The following TTC28 variants were observed in gnomAD, a reference collection of about 807,000 sequenced individuals.
The protein encoded by TTC28 is tetratricopeptide repeat protein 28.
In TTC28, 61 loss-of-function variants were observed where a neutral mutation model predicts 198.0. The observed-to-expected ratio is 0.31, with a 90% confidence interval of 0.25 to 0.38. The LOEUF is 0.38. Among genes scored for constraint, TTC28 ranks in the 10% least tolerant of loss-of-function variants. The probability of loss-of-function intolerance (pLI) is 1.00; values close to 1 mark genes in which losing one functional copy is unlikely to be tolerated. For missense variants in TTC28, 2,678 were observed against 3,164.0 expected, an observed-to-expected ratio of 0.85 and a Z score of 3.69; for synonymous variants, 1,171 against 1,297.8, an observed-to-expected ratio of 0.90 and a Z score of 2.10.
rs989409686 is a variant in TTC28, at chr22:28,296,390, C to A, written c.803-62G>T. Reference sequence around the variant, plus strand: ...CTCTAAGTTATAATGTTATTTATAACATATAATGGTCATCTTAATTTAAGA... The same window carrying A: ...CTCTAAGTTATAATGTTATTTATAAAATATAATGGTCATCTTAATTTAAGA... On this transcript the variant is annotated intron_variant, in intron 4 of 22. Transcript: ENST00000397906. 3.9e-6 allele frequency: 5 copies of A among 1,290,088 alleles called. No individual in the cohort carries two copies. The East Asian group carries it at 1.3e-4, about 34-fold the overall frequency. 79.9% of individuals were successfully genotyped at this position (1,290,088 alleles called of 1,614,324 possible). A position where few individuals can be genotyped will look rare whatever the true frequency, so the allele number is the denominator to read the frequency against.
chr22:28,609,038 C>T (rs111574957), intron 2 of TTC28, among the ~76,000 whole-genome samples: 1,528 of 151,992 alleles, frequency 0.01, 33 homozygotes, highest in East Asian at 0.081. Context: ...ACTGCCCATA[C>T]ACTGGGGGAA....
intron 1 of TTC28, among the ~76,000 whole-genome samples, chr22:28,657,793 C>A (rs1210225239): frequency 6.6e-6 from 1 of 151,998 alleles, no homozygotes; most frequent in Non-Finnish European, 1.5e-5. Flanking sequence ...ACGTGAGAAT[C>A]GCTTGAACCT....
intron 2 of TTC28, among the ~76,000 whole-genome samples, chr22:28,417,844 C>T (rs961277113): frequency 1.3e-5 from 2 of 152,168 alleles, no homozygotes; most frequent in African/African-American, 4.8e-5. Context: ...TGAGTCTAAA[C>T]CCAGAAATCA....
intron 1 of TTC28, chr22:28,643,318 G>C (rs1390152933): frequency 6.6e-6 from 1 of 152,200 alleles, no homozygotes; most frequent in Non-Finnish European, 1.5e-5. Flanking sequence ...ATTGGACAGA[G>C]CTGGTTTAGA....
At chr22:28,078,129 G>A (rs533160914) in intron 12 of TTC28, among the ~76,000 whole-genome samples, 1 of 152,296 alleles carries the variant, frequency 6.6e-6, no homozygotes, top group South Asian at 2.1e-4. Context: ...CTTAATAAAA[G>A]CACTTCTTTT....
chr22:28,205,347 C>A (rs543609891), intron 5 of TTC28, among the ~76,000 whole-genome samples: 8 of 152,108 alleles, frequency 5.3e-5, no homozygotes, highest in Admixed American at 3.9e-4. Context: ...TTTCCCAGAG[C>A]CTCTGTTAAA....
chr22:28,438,775 C>T (rs1443993241), intron 2 of TTC28, among the ~76,000 whole-genome samples: 1 of 152,178 alleles, frequency 6.6e-6, no homozygotes, highest in African/African-American at 2.4e-5. Flanking sequence ...AGATGTGATG[C>T]ATGATGTAGT....
intron 2 of TTC28, among the ~76,000 whole-genome samples, chr22:28,543,462 G>T (rs927049471): frequency 1.3e-5 from 2 of 149,922 alleles, no homozygotes; most frequent in African/African-American, 4.9e-5. Flanking sequence ...AGGAGGAGAT[G>T]AACAACAACA....
At chr22:28,531,929 T>C (rs1291413319) in intron 2 of TTC28, among the ~76,000 whole-genome samples, 3 of 152,218 alleles carry the variant, frequency 2.0e-5, no homozygotes, top group Admixed American at 2.0e-4. Context: ...GGGAAATTTA[T>C]AGCACTAAAT....
rs1397962612 is a variant in TTC28, at chr22:28,622,559, A to G, written c.381+6993T>C. ...AAGAATATCAGAGGGACAAAAACAG[A>G]AAGGACAAATTAAAAAGGAATAATA... is the stretch of plus-strand genomic sequence containing the variant. On this transcript the variant is annotated intron_variant, in intron 2 of 22. Coordinates refer to ENST00000397906, the MANE Select transcript of TTC28 (RefSeq NM_001145418.2). 2.6e-5 allele frequency among the ~76,000 whole-genome samples: 4 copies of G among 152,298 alleles called. No homozygotes were observed. In the South Asian group the frequency reaches 8.3e-4, roughly 32 times the overall value.
intron 2 of TTC28, among the ~76,000 whole-genome samples, chr22:28,584,479 T>C (rs1487314917): frequency 1.3e-5 from 2 of 152,208 alleles, no homozygotes; most frequent in Admixed American, 1.3e-4. Context: ...ATATCAGCCA[T>C]GTCCAATAGA....
chr22:28,396,886 C>T (rs1035741094), intron 2 of TTC28, among the ~76,000 whole-genome samples: 4 of 152,124 alleles, frequency 2.6e-5, no homozygotes, highest in Admixed American at 1.3e-4. Context: ...AGGGCACTTA[C>T]GACTATGATT....
chr22:28,661,545 G>T (rs1264999075), intron 1 of TTC28, among the ~76,000 whole-genome samples: 1 of 151,922 alleles, frequency 6.6e-6, no homozygotes, highest in Non-Finnish European at 1.5e-5. Context: ...TCAGCCTCCT[G>T]AGTAGCTGGG....
intron 6 of TTC28, among the ~76,000 whole-genome samples, chr22:28,152,743 A>AC (rs1943639801): frequency 6.6e-6 from 1 of 152,228 alleles, no homozygotes; most frequent in African/African-American, 2.4e-5. Context: ...TAGTGTACTG[A>AC]CTACCTATAA....
In TTC28 at chr22:28,679,782, G is replaced by A. The variant is rs2052065424; in HGVS notation, c.-59C>T. The A allele has an allele frequency of 5.2e-6, 5 of 952,648 alleles. No homozygotes were observed. Among genetic ancestry groups the A allele is most frequent in the South Asian group, 5.3e-5 (1 of 18,916 alleles). The allele number at this position is 952,648 out of a possible 1,614,324, so 59.0% of individuals were successfully genotyped here. ...TAACGGTCCCGCCAGCTAGGCGCGC[G>A]CGCCGGTTCCGCGCGCCATGTTCCC... On this transcript the variant is annotated 5_prime_UTR_variant, in exon 1 of 23. Transcript: ENST00000397906.
intron 1 of TTC28, among the ~76,000 whole-genome samples, chr22:28,662,737 T>G (rs1467213046): frequency 6.6e-6 from 1 of 152,220 alleles, no homozygotes; most frequent in Non-Finnish European, 1.5e-5. Flanking sequence ...GCCAATTTCT[T>G]GAACAATTAT....
chr22:28,049,447 C>T (rs1435883880), intron 12 of TTC28, among the ~76,000 whole-genome samples: 4 of 152,034 alleles, frequency 2.6e-5, no homozygotes, highest in Admixed American at 6.6e-5. Context: ...AGAGAGAAGA[C>T]GAACTGTTAC....
chr22:28,480,503 G>A (rs554831914), intron 2 of TTC28, among the ~76,000 whole-genome samples: 6 of 152,202 alleles, frequency 3.9e-5, no homozygotes, highest in South Asian at 4.1e-4. Flanking sequence ...AAAGCCTTTC[G>A]TTCTAATTCT....
At chr22:28,286,789 A>T (rs963681339) in intron 5 of TTC28, among the ~76,000 whole-genome samples, 1 of 152,102 alleles carries the variant, frequency 6.6e-6, no homozygotes, top group African/African-American at 2.4e-5. Flanking sequence ...CATTTACAAT[A>T]GTGAGGATGC....
Sources: allele counts gnomAD v4.1 joint callset (sites outside exome capture counted in the v4.1 genomes callset), GRCh38; gene constraint gnomAD v4.1.1; transcripts MANE v1.5; gene names NCBI Gene and HGNC (gene_info 2026-07-23, HGNC 2026-07-21).